The following ATM variants were observed in gnomAD, a reference collection of about 807,000 sequenced individuals.
The protein encoded by ATM is serine-protein kinase ATM.
In ATM, 308 loss-of-function variants were observed where a neutral mutation model predicts 387.0. That is an observed-to-expected ratio of 0.80 (90% CI 0.73 to 0.87). The LOEUF is 0.87. ATM is among the 40% of genes least tolerant of loss of function. ATM has a pLI of 0.00. For synonymous variants in ATM, 1,156 were observed against 1,187.3 expected (o/e 0.97, Z 0.54); for missense variants, 3,312 against 3,560.9 (o/e 0.93, Z 1.78).
At chr11:108,324,987 T>C (rs2085502353) in intron 45 of ATM, among the ~76,000 whole-genome samples, 1 of 152,174 alleles carries the variant, frequency 6.6e-6, no homozygotes, top group African/African-American at 2.4e-5. Context: ...TTCTTTATGA[T>C]AGGTCTGATG....
chr11:108,252,031 G>C lies in ATM; in HGVS notation c.1802G>C (p.Ser601Thr), dbSNP rs763402339. 2 of 1,610,806 alleles carry C rather than the reference G, an allele frequency of 1.2e-6. No homozygotes were observed. Among genetic ancestry groups the C allele is most frequent in the Non-Finnish European group, 1.7e-6 (2 of 1,179,118 alleles). ...ACAGAAGTGCCTCCAATTCTTCACA[G>C]GTAATTTAAGTTCATTAGCATGCTG... ...NSTEVPPILH[S>T]NFPHLVLEKI... The change falls in exon 11 of 63, where the codon AGT becomes ACT. Residue 601 changes from serine (S) to threonine (T), a missense_variant and splice_region_variant. By Grantham distance (58) the Ser-to-Thr change is moderately conservative (BLOSUM62 1). Transcript: ENST00000675843.
intron 45 of ATM, among the ~76,000 whole-genome samples, chr11:108,325,062 A>T (rs1328250697): frequency 2.0e-5 from 3 of 151,904 alleles, no homozygotes; most frequent in Non-Finnish European, 2.9e-5. Flanking sequence ...AGTATTAAAA[A>T]TTTTTTTTGA....
intron 9 of ATM, 21 bp downstream of exon 9, chr11:108,249,123 C>T (rs2135296888): frequency 6.2e-7 from 1 of 1,612,492 alleles, no homozygotes; most frequent in Non-Finnish European, 8.5e-7. Context: ...ACCATTTTCT[C>T]ATTCAGTGTC....
chr11:108,257,348 A>T (rs1483846397), intron 14 of ATM, 133 bp from the exon 15 acceptor site: 1 of 1,149,578 alleles, frequency 8.7e-7, no homozygotes, highest in Non-Finnish European at 1.2e-6. Context: ...ACTTCTAAAA[A>T]CATTTCATTT....
Position 108,245,602 on chromosome 11 carries a change from G to A in ATM, c.901+576G>A, listed in dbSNP as rs2079807517. Among the ~76,000 whole-genome samples, 2 of 151,840 alleles carry A rather than the reference G, an allele frequency of 1.3e-5. 1 individual carries two copies. Among genetic ancestry groups the A allele is most frequent in the South Asian group, 4.2e-4 (2 of 4,818 alleles). Reference sequence around the variant, plus strand: ...TATTCTCCTTAATTCCTTCATATATGTCCTATACCAAGAGAGTATTGCCCA... The same window carrying A: ...TATTCTCCTTAATTCCTTCATATATATCCTATACCAAGAGAGTATTGCCCA... On this transcript the variant is annotated intron_variant, in intron 7 of 62. Transcript: ENST00000675843.
Position 108,310,823 on chromosome 11 carries a change from A to G in ATM, c.5918+508A>G, listed in dbSNP as rs1014797291. 2.6e-5 allele frequency among the ~76,000 whole-genome samples: 4 copies of G among 152,188 alleles called. No homozygotes were observed. The East Asian group carries it at 7.7e-4, about 29-fold the overall frequency. ...CTTTATCTACCTATATTTCTAGTGAATTTAATTCGCTTTCCTCTGACTGAG... is the reference window on the plus strand; with the variant it reads ...CTTTATCTACCTATATTTCTAGTGAGTTTAATTCGCTTTCCTCTGACTGAG... On this transcript the variant is annotated intron_variant, in intron 39 of 62. Transcript: ENST00000675843.
intron 4 of ATM, among the ~76,000 whole-genome samples, chr11:108,233,997 A>G (rs527613648): frequency 1.3e-5 from 2 of 152,334 alleles, no homozygotes; most frequent in South Asian, 4.1e-4. Flanking sequence ...ACACAAATTA[A>G]TTTTTATTGA....
Position 108,353,860 on chromosome 11 carries a change from T to A in ATM, c.8766T>A (p.Gly2922=), listed in dbSNP as rs1166849874. 1.2e-6 allele frequency: 2 copies of A among 1,613,206 alleles called. 1 individual carries two copies. The highest frequency in any genetic ancestry group is 1.7e-6 in the Non-Finnish European group (2 of 1,179,450). The part of the protein sequence containing the change: ...RDIVDGMGIT[G]VEGVFRRCCE... ...TTGTGGATGGCATGGGCATTACGGG[T>A]GTTGAAGGTGTCTTCAGAAGGTAAG... Residue 2922 remains glycine (G), a synonymous_variant, in exon 60 of 63, where the codon GGT becomes GGA. Coordinates refer to ENST00000675843, the MANE Select transcript of ATM (RefSeq NM_000051.4).
chr11:108,234,552 A>C (rs2079174139), intron 4 of ATM, among the ~76,000 whole-genome samples: 1 of 152,214 alleles, frequency 6.6e-6, no homozygotes, highest in South Asian at 2.1e-4. Flanking sequence ...ACACAGGTAC[A>C]GGGGTCAAGC....
At chr11:108,327,429 C>T (rs2085783000) in intron 47 of ATM, 1 of 502,012 alleles carries the variant, frequency 2.0e-6, no homozygotes. Flanking sequence ...GTGACTTGCT[C>T]CAATAATGGC....
intron 16 of ATM, among the ~76,000 whole-genome samples, chr11:108,263,121 T>C (rs2081007730): frequency 6.6e-6 from 1 of 150,466 alleles, no homozygotes; most frequent in Non-Finnish European, 1.5e-5. Context: ...AACTCAGCTC[T>C]GCACCAAGCA....
Position 108,273,331 on chromosome 11 carries a change from C to CTTTTTTTTTTTT in ATM, c.3284+495_3284+506dup, listed in dbSNP as rs563140198. Among the ~76,000 whole-genome samples the CTTTTTTTTTTTT allele has an allele frequency of 1.3e-3, 103 of 80,654 alleles. 9 individuals are homozygous for CTTTTTTTTTTTT. Among genetic ancestry groups the CTTTTTTTTTTTT allele is most frequent in the African/African-American group, 5.4e-3 (95 of 17,512 alleles). The allele number at this position is 80,654 out of a possible 152,430, so 52.9% of individuals were successfully genotyped here. A position where few individuals can be genotyped will look rare whatever the true frequency, so the allele number is the denominator to read the frequency against. On this transcript the variant is annotated intron_variant, in intron 22 of 62. Transcript: ENST00000675843. ...GGAATAAACATATATTAATTTCATTCTTTTTTTTTTTTTTTTTTTTTTTTT... is the reference window on the plus strand; with the variant it reads ...GGAATAAACATATATTAATTTCATTCTTTTTTTTTTTTTTTTTTTTTTTTTTTTTTTTTTTTT...
chr11:108,365,268 A>T (rs2137895343), intron 62 of ATM, 50 bp downstream of exon 62: 3 of 1,614,140 alleles, frequency 1.9e-6, no homozygotes, highest in Non-Finnish European at 2.5e-6. Context: ...AGATTTTCTT[A>T]TTCCCAAGGC....
Position 108,301,794 on chromosome 11 carries a change from C to T in ATM, c.5319+5C>T, listed in dbSNP as rs1565477462. On this transcript the variant is annotated splice_donor_5th_base_variant and intron_variant, in intron 35 of 62. Coordinates refer to ENST00000675843, the MANE Select transcript of ATM (RefSeq NM_000051.4). ...TTTAGAACATCAAGAAAAAAGGTCTCTTAAGTAATAAATGTTTATTGAATA... is the reference window on the plus strand; with the variant it reads ...TTTAGAACATCAAGAAAAAAGGTCTTTTAAGTAATAAATGTTTATTGAATA... The T allele has an allele frequency of 6.2e-7, 1 of 1,613,126 alleles. No homozygotes were observed. Among genetic ancestry groups the T allele is most frequent in the South Asian group, 1.1e-5 (1 of 91,040 alleles).
rs748855312 is a variant in ATM at position 108,347,299 on chromosome 11, G to A, written c.8605G>A (p.Gly2869Ser). The stretch of plus-strand genomic sequence containing the variant: ...TCCAGTTGGTTACATACTTGGACTT[G>A]GTGATAGACATGTACAGAATATCTT... ...SSIVGYILGL[G>S]DRHVQNILIN... Residue 2869 changes from glycine to serine, a missense_variant, in exon 59 of 63, where the codon GGT becomes AGT. Gly to Ser is a moderately conservative substitution (Grantham distance 56). Transcript: ENST00000675843. The A allele has an allele frequency of 6.2e-7, 1 of 1,610,886 alleles. No individual in the cohort carries two copies. The highest frequency in any genetic ancestry group is 8.5e-7 in the Non-Finnish European group (1 of 1,177,332).
chr11:108,331,662 A>G, intron 51 of ATM, 105 bp downstream of exon 51: 1 of 1,410,576 alleles, frequency 7.1e-7, no homozygotes, highest in Non-Finnish European at 9.5e-7. Context: ...GGAAATACAA[A>G]ATTTTGTATT....
At chr11:108,283,901 G>A (rs1325192878) in intron 25 of ATM, among the ~76,000 whole-genome samples, 2 of 152,160 alleles carry the variant, frequency 1.3e-5, no homozygotes, top group Non-Finnish European at 2.9e-5. Context: ...TGATTATGCA[G>A]AAGAAATAAA....
chr11:108,259,778 A>G (rs929614464), intron 16 of ATM, among the ~76,000 whole-genome samples: 15 of 152,158 alleles, frequency 9.9e-5, no homozygotes, highest in African/African-American at 3.6e-4. Flanking sequence ...CTTCCATACA[A>G]ATGGGCTTAT....
At position 108,332,855 on chromosome 11, in the gene ATM, AT is replaced by A. The variant is rs1188637675; in HGVS notation, c.7884del (p.Ile2629TyrfsTer2). ...TGTTGAGGCACTTTGTGATGCTTAT[AT>A]TATATTAGCAAACTTAGATGCCACT... ...RSVEALCDAYIILANLDATQW... is the reference protein window; with the variant it reads ...RSVEALCDAYXILANLDATQW... On this transcript the variant is annotated frameshift_variant, in exon 53 of 63. Transcript: ENST00000675843. LOFTEE classifies it high-confidence loss of function. 2 of 1,613,148 alleles carry A rather than the reference AT, an allele frequency of 1.2e-6. No homozygotes were observed. The highest frequency in any genetic ancestry group is 2.7e-5 in the African/African-American group (2 of 74,914).
Sources: gnomAD v4.1 joint callset for allele counts (sites outside exome capture counted in the v4.1 genomes callset) on GRCh38, gnomAD v4.1.1 for gene constraint, MANE v1.5 for transcripts, NCBI Gene and HGNC (gene_info 2026-07-23, HGNC 2026-07-21) for gene names.